Variants in PGBD5 observed in about 807,000 individuals in gnomAD.
The protein encoded by PGBD5 is piggyBac transposable element derived 5.
A neutral mutation model predicts 47.9 loss-of-function variants in PGBD5; 14 were observed. The ratio of observed to expected loss-of-function variants is 0.29; its 90% CI spans 0.19 to 0.46. The LOEUF is 0.46. Among genes scored for constraint, PGBD5 ranks in the 20% least tolerant of loss-of-function variants. The pLI, the probability that PGBD5 is intolerant of heterozygous loss-of-function variation, is 1.00. For missense variants in PGBD5, 635 were observed against 716.0 expected (o/e 0.89, Z 1.29); for synonymous variants, 316 against 306.3 (o/e 1.03, Z -0.33).
chr1:230,422,593 T>C (rs755173887), intron 1 of PGBD5, among the ~76,000 whole-genome samples: 11 of 152,010 alleles, frequency 7.2e-5, no homozygotes, highest in Non-Finnish European at 1.6e-4. Context: ...ATTTAAGTCA[T>C]CCCGAGGGAA....
Position 230,351,002 on chromosome 1 carries a change from T to C in PGBD5, c.850A>G (p.Ser284Gly), listed in dbSNP as rs763578401. The C allele has an allele frequency of 1.2e-6, 2 of 1,614,174 alleles. No individual in the cohort carries two copies. The highest frequency in any genetic ancestry group is 1.7e-5 in the Admixed American group (1 of 60,024). ...GAAGAACATTGTCTGACCCAGAGGC[T>C]GAATTTCCGCTTTTTCCTCTTTCGC... The part of the protein sequence containing the change: ...ELRKRKKRKF[S>G]LWVRQCSSTG... Residue 284 changes from serine (S) to glycine (G), a missense_variant, in exon 3 of 7, where the codon AGC (serine) becomes GGC (glycine). Ser to Gly is a moderately conservative substitution (Grantham distance 56). Transcript: ENST00000391860.
chr1:230,362,073 G>T (rs1476855399), intron 1 of PGBD5, among the ~76,000 whole-genome samples: 1 of 152,238 alleles, frequency 6.6e-6, no homozygotes, highest in African/African-American at 2.4e-5. Context: ...GGGGCATGAG[G>T]GTCTGGTCAC....
intron 2 of PGBD5, among the ~76,000 whole-genome samples, chr1:230,354,810 CCTCA>C (rs1667609638): frequency 6.6e-6 from 1 of 152,136 alleles, no homozygotes; most frequent in African/African-American, 2.4e-5. Context: ...CTGCTGGGAT[CCTCA>C]CTACCACGTA....
At chr1:230,392,526 G>A (rs1214512883) in intron 1 of PGBD5, among the ~76,000 whole-genome samples, 2 of 152,120 alleles carry the variant, frequency 1.3e-5, no homozygotes, top group Non-Finnish European at 2.9e-5. Context: ...TTTTATCTCC[G>A]GCTCGCAGGA....
At chr1:230,326,586 G>A (rs932202068) in intron 5 of PGBD5, among the ~76,000 whole-genome samples, 2 of 152,102 alleles carry the variant, frequency 1.3e-5, no homozygotes, top group African/African-American at 4.8e-5. Context: ...AGCCACCCAA[G>A]GAGCTGGGAT....
In PGBD5 at chr1:230,316,652, T is replaced by C. The variant is rs1193812070; in HGVS notation, c.*6773A>G. The C allele has an allele frequency of 6.6e-6, 1 of 151,946 alleles. No homozygotes were observed. Among genetic ancestry groups the C allele is most frequent in the Non-Finnish European group, 1.5e-5 (1 of 67,978 alleles). 9.4% of individuals were successfully genotyped at this position (151,946 alleles called of 1,614,324 possible). A position where few individuals can be genotyped will look rare whatever the true frequency, so the allele number is the denominator to read the frequency against. ...TTGCCAAAATTTGGCTGTTTCTTAG[T>C]GGAGAAAGGTGGGACATGAGAATTG... On this transcript the variant is annotated 3_prime_UTR_variant, in exon 7 of 7. Coordinates refer to ENST00000391860, the MANE Select transcript of PGBD5 (RefSeq NM_001258311.2).
chr1:230,347,790 G>A (rs1667498378), intron 3 of PGBD5, among the ~76,000 whole-genome samples: 1 of 152,100 alleles, frequency 6.6e-6, no homozygotes, highest in Non-Finnish European at 1.5e-5. Flanking sequence ...GGTCAGCTGT[G>A]CAGACCTAAC....
At chr1:230,353,882 C>T (rs1238456725) in intron 2 of PGBD5, among the ~76,000 whole-genome samples, 1 of 152,218 alleles carries the variant, frequency 6.6e-6, no homozygotes, top group Non-Finnish European at 1.5e-5. Flanking sequence ...CTTCTCCAAT[C>T]AAGCATCAGG....
chr1:230,339,859 G>A (rs1667384118), intron 3 of PGBD5, among the ~76,000 whole-genome samples: 2 of 152,170 alleles, frequency 1.3e-5, no homozygotes, highest in African/African-American at 4.8e-5. Context: ...TGGGAGTGGG[G>A]AGGTATTGGT....
intron 1 of PGBD5, among the ~76,000 whole-genome samples, chr1:230,396,246 C>CACACTCCTCCCTTTTACCCACATTCCT (rs1656963503): frequency 6.6e-5 from 1 of 15,152 alleles, no homozygotes; most frequent in Non-Finnish European, 1.2e-4. Flanking sequence ...ACACTCCTCC[C>CACACTCCTCCCTTTTACCCACATTCCT]TTTTACCCCC....
At chr1:230,379,390 C>T (rs1311045181) in intron 1 of PGBD5, among the ~76,000 whole-genome samples, 5 of 152,192 alleles carry the variant, frequency 3.3e-5, no homozygotes, top group Non-Finnish European at 7.3e-5. Context: ...CACCAGGTCC[C>T]CTCAGGATCT....
chr1:230,328,906 G>A (rs1571823345), intron 5 of PGBD5, among the ~76,000 whole-genome samples: 2 of 152,244 alleles, frequency 1.3e-5, no homozygotes, highest in Admixed American at 1.3e-4. Flanking sequence ...TTCACAATGG[G>A]AATATCCCTT....
At chr1:230,324,878 G>A (rs144836072) in intron 6 of PGBD5, among the ~76,000 whole-genome samples, 6 of 152,314 alleles carry the variant, frequency 3.9e-5, no homozygotes, top group East Asian at 3.9e-4. Flanking sequence ...TAAGGCACCC[G>A]TGCTAGAACA....
At chr1:230,415,639 C>G (rs1657495761) in intron 1 of PGBD5, among the ~76,000 whole-genome samples, 1 of 152,190 alleles carries the variant, frequency 6.6e-6, no homozygotes, top group Non-Finnish European at 1.5e-5. Flanking sequence ...CATGGGCAGG[C>G]AGATGACAGA....
rs993652940 is a variant in PGBD5, at chr1:230,357,884, T to C, written c.332-563A>G. On this transcript the variant is annotated intron_variant, in intron 1 of 6. Transcript: ENST00000391860. This position sits in a 1 kb window ranked among gnomAD's most constrained non-coding sequence, Gnocchi z 5.7. ...TTATACATATAAATTAAAAGCACTG[T>C]CTGCCAGTCTGGGGTACTTCTCCGT... Among the ~76,000 whole-genome samples the C allele has an allele frequency of 1.3e-5, 2 of 152,186 alleles. No individual in the cohort carries two copies. Among genetic ancestry groups the C allele is most frequent in the Non-Finnish European group, 2.9e-5 (2 of 68,032 alleles).
chr1:230,335,825 A>ACG (rs1156776014), intron 4 of PGBD5, among the ~76,000 whole-genome samples: 1 of 149,102 alleles, frequency 6.7e-6, no homozygotes, highest in African/African-American at 2.5e-5. Context: ...ACACTGACAC[A>ACG]GACATACACA....
intron 1 of PGBD5, among the ~76,000 whole-genome samples, chr1:230,359,361 G>A (rs1667708038): frequency 6.6e-6 from 1 of 152,174 alleles, no homozygotes; most frequent in East Asian, 1.9e-4. Context: ...ACCGCGCCCG[G>A]CCTGTGTATC....
chr1:230,358,592 C>T (rs1571838952), intron 1 of PGBD5, among the ~76,000 whole-genome samples: 1 of 151,830 alleles, frequency 6.6e-6, no homozygotes, highest in African/African-American at 2.4e-5. Flanking sequence ...CACCTCCCCG[C>T]CCCCCCACAA....
intron 1 of PGBD5, among the ~76,000 whole-genome samples, chr1:230,420,813 T>C (rs1299933164): frequency 1.3e-5 from 2 of 152,216 alleles, no homozygotes; most frequent in African/African-American, 4.8e-5. Context: ...TTTATCCTTT[T>C]TCTTATTTAT....
Sources: allele counts gnomAD v4.1 joint callset (sites outside exome capture counted in the v4.1 genomes callset), GRCh38; gene constraint gnomAD v4.1.1; non-coding constraint Gnocchi (gnomAD v3.1); transcripts MANE v1.5; gene names NCBI Gene and HGNC (gene_info 2026-07-23, HGNC 2026-07-21).